RBFOX1: variants seen among roughly 807,000 people sequenced by gnomAD.
The protein encoded by RBFOX1 is RNA binding protein fox-1 homolog 1.
In RBFOX1, 8 loss-of-function variants were observed where a neutral mutation model predicts 57.7. The observed-to-expected ratio is 0.14, with a 90% CI of 0.08 to 0.25. RBFOX1 has a LOEUF of 0.25. Among genes scored for constraint, RBFOX1 ranks in the 10% least tolerant of loss-of-function variants. RBFOX1 has a pLI of 1.00. For synonymous variants in RBFOX1, 326 were observed against 222.4 expected (o/e 1.47, Z -4.15); for missense variants, 611 against 548.5 (o/e 1.11, Z -1.14).
At chr16:6,260,196 A>T (rs1010700175) in intron 1 of RBFOX1, among the ~76,000 whole-genome samples, 1 of 152,306 alleles carries the variant, frequency 6.6e-6, no homozygotes, top group African/African-American at 2.4e-5. Flanking sequence ...TGTACTTTAC[A>T]TGCAGCCTGT....
At chr16:6,682,794 T>A (rs1358734243) in intron 3 of RBFOX1, among the ~76,000 whole-genome samples, 1 of 151,448 alleles carries the variant, frequency 6.6e-6, no homozygotes, top group African/African-American at 2.4e-5. Context: ...TTTCACAGTT[T>A]ATTTTCAGAT....
chr16:5,874,639 A>G (rs1456680585), intron 4 of RBFOX1, among the ~76,000 whole-genome samples: 7 of 152,188 alleles, frequency 4.6e-5, no homozygotes, highest in Admixed American at 4.6e-4. Context: ...AGAGGGAAAT[A>G]TATGTGCTGA....
intron 4 of RBFOX1, among the ~76,000 whole-genome samples, chr16:7,163,384 C>A (rs1451248577): frequency 6.6e-6 from 1 of 152,120 alleles, no homozygotes; most frequent in Non-Finnish European, 1.5e-5. Flanking sequence ...GAAAATGGCA[C>A]ACAGTTGAGG....
chr16:6,793,367 G>C (rs1326080218), intron 3 of RBFOX1, among the ~76,000 whole-genome samples: 3 of 152,116 alleles, frequency 2.0e-5, no homozygotes, highest in African/African-American at 7.2e-5. Flanking sequence ...CTTCCATTGA[G>C]ATTGATTGGA....
At chr16:7,531,942 GA>G (rs975498206) in intron 5 of RBFOX1, among the ~76,000 whole-genome samples, 1 of 152,024 alleles carries the variant, frequency 6.6e-6, no homozygotes, top group African/African-American at 2.4e-5. Flanking sequence ...CCCATAGAGT[GA>G]AAGAGGCCTT....
At chr16:6,551,488 G>T (rs750478749) in intron 2 of RBFOX1, among the ~76,000 whole-genome samples, 2 of 152,210 alleles carry the variant, frequency 1.3e-5, no homozygotes. Context: ...TTTAGCAAAT[G>T]ACAGCTATTA....
intron 1 of RBFOX1, among the ~76,000 whole-genome samples, chr16:6,155,321 G>T (rs184584019): frequency 1.3e-5 from 2 of 152,146 alleles, no homozygotes. Flanking sequence ...AGTGTTCAGC[G>T]CCGTGGAGCT....
chr16:6,437,745 G>A (rs915701152), intron 2 of RBFOX1, among the ~76,000 whole-genome samples: 1 of 152,136 alleles, frequency 6.6e-6, no homozygotes, highest in Non-Finnish European at 1.5e-5. Context: ...TTCACATGGT[G>A]GCAGGAGAGA....
chr16:7,237,912 G>A (rs768907956), intron 4 of RBFOX1, among the ~76,000 whole-genome samples: 1 of 152,204 alleles, frequency 6.6e-6, no homozygotes, highest in Non-Finnish European at 1.5e-5. Flanking sequence ...GCTGAAGCAT[G>A]AGAATTGCTT....
chr16:7,106,984 A>AAACACACACACACACACACACACAC (rs529197707), intron 4 of RBFOX1, among the ~76,000 whole-genome samples: 31 of 148,630 alleles, frequency 2.1e-4, no homozygotes, highest in Admixed American at 1.0e-3. Flanking sequence ...ACACAGTTAA[A>AAACACACACACACACACACACACAC]ACACACACAC....
chr16:7,389,182 G>A (rs2097943942), intron 4 of RBFOX1, among the ~76,000 whole-genome samples: 1 of 152,156 alleles, frequency 6.6e-6, no homozygotes, highest in Admixed American at 6.5e-5. Context: ...CTGGAATGCA[G>A]TGGTGTGATC....
intron 3 of RBFOX1, among the ~76,000 whole-genome samples, chr16:6,709,540 T>C (rs1202628045): frequency 1.3e-5 from 2 of 152,204 alleles, no homozygotes; most frequent in East Asian, 3.9e-4. Context: ...CTTTCTACTT[T>C]TACATTTGTG....
intron 4 of RBFOX1, among the ~76,000 whole-genome samples, chr16:5,893,321 A>G (rs528500976): frequency 1.9e-4 from 29 of 152,338 alleles, no homozygotes; most frequent in Middle Eastern, 3.4e-3. Context: ...GGCACAAAAA[A>G]TAGAAAGAAT....
intron 4 of RBFOX1, among the ~76,000 whole-genome samples, chr16:7,360,611 C>A (rs971964289): frequency 4.6e-5 from 7 of 152,176 alleles, no homozygotes; most frequent in African/African-American, 1.7e-4. Flanking sequence ...TAGGCCACAA[C>A]AAAGGCAAAG....
chr16:6,281,445 C>T (rs1451884504), intron 1 of RBFOX1, among the ~76,000 whole-genome samples: 2 of 152,016 alleles, frequency 1.3e-5, no homozygotes, highest in African/African-American at 4.8e-5. Context: ...CTGGTGAATC[C>T]CTAATTCAGA....
chr16:7,357,799 A>G (rs1026682561), intron 4 of RBFOX1, among the ~76,000 whole-genome samples: 3 of 152,122 alleles, frequency 2.0e-5, no homozygotes, highest in African/African-American at 7.2e-5. Flanking sequence ...AGCATTCAGC[A>G]TTGCTCCTTC....
chr16:7,358,153 T>G (rs1198022357), intron 4 of RBFOX1, among the ~76,000 whole-genome samples: 2 of 152,310 alleles, frequency 1.3e-5, no homozygotes, highest in Middle Eastern at 6.8e-3. Context: ...AAATAAATTG[T>G]GTATCTGTTA....
intron 5 of RBFOX1, among the ~76,000 whole-genome samples, chr16:7,572,075 C>G (rs997768019): frequency 6.6e-6 from 1 of 152,100 alleles, no homozygotes; most frequent in East Asian, 1.9e-4. Flanking sequence ...TGCAGTGAAC[C>G]AAGATCGCAC....
intron 3 of RBFOX1, among the ~76,000 whole-genome samples, chr16:6,668,779 A>T (rs2098747593): frequency 6.6e-6 from 1 of 150,512 alleles, no homozygotes; most frequent in East Asian, 2.0e-4. Flanking sequence ...TATAGCTATT[A>T]TTTTCATGTG....
Sources: allele counts gnomAD v4.1 joint callset (sites outside exome capture counted in the v4.1 genomes callset), GRCh38; gene constraint gnomAD v4.1.1; transcripts MANE v1.5; gene names NCBI Gene and HGNC (gene_info 2026-07-23, HGNC 2026-07-21).